Variants in CADM2 observed in about 807,000 individuals in gnomAD.
CADM2 encodes the protein immunoglobulin superfamily member 4D.
A neutral mutation model predicts 49.8 loss-of-function variants in CADM2; 12 were observed. The ratio of observed to expected loss-of-function variants is 0.24; its 90% CI spans 0.15 to 0.39. The LOEUF is 0.39. CADM2 is among the 10% of genes least tolerant of loss of function. The pLI is 1.00. For missense variants in CADM2, 378 were observed against 492.3 expected, an observed-to-expected ratio of 0.77 and a Z score of 2.20; for synonymous variants, 214 against 175.4, an observed-to-expected ratio of 1.22 and a Z score of -1.74.
At chr3:85,079,477 C>T (rs2107496257) in intron 1 of CADM2, among the ~76,000 whole-genome samples, 1 of 151,788 alleles carries the variant, frequency 6.6e-6, no homozygotes, top group Middle Eastern at 3.4e-3. Context: ...ATCTATTTTT[C>T]ATAGGGTTAT....
chr3:85,951,291 C>T lies in CADM2; in HGVS notation c.792-10178C>T, dbSNP rs546052823. 3.6e-4 allele frequency among the ~76,000 whole-genome samples: 55 copies of T among 151,064 alleles called. 1 individual carries two copies. The highest frequency in any genetic ancestry group is 1.0e-3 in the South Asian group (5 of 4,818). On this transcript the variant is annotated intron_variant, in intron 7 of 9. Coordinates refer to ENST00000383699, the MANE Select transcript of CADM2 (RefSeq NM_001167675.2). ...TTTCTCACACACAAATGCACAAAGA[C>T]ACATTAAATTAATCAATACAAGTAA...
chr3:85,676,323 A>G (rs2065884999), intron 1 of CADM2, among the ~76,000 whole-genome samples: 1 of 152,150 alleles, frequency 6.6e-6, no homozygotes. Context: ...GAAAACTCGA[A>G]TTCCATTTGG....
At chr3:85,409,364 TG>T (rs1362976864) in intron 1 of CADM2, among the ~76,000 whole-genome samples, 2 of 152,104 alleles carry the variant, frequency 1.3e-5, no homozygotes, top group Non-Finnish European at 2.9e-5. Flanking sequence ...GAAAATAAAA[TG>T]GGAATTTTTC....
intron 1 of CADM2, among the ~76,000 whole-genome samples, chr3:85,427,921 A>G (rs1369989562): frequency 1.3e-5 from 2 of 152,098 alleles, no homozygotes; most frequent in African/African-American, 2.4e-5. Flanking sequence ...TATAACTTCA[A>G]TGGAATTGAA....
intron 6 of CADM2, among the ~76,000 whole-genome samples, chr3:85,915,986 C>A (rs1312934913): frequency 6.6e-6 from 1 of 151,914 alleles, no homozygotes; most frequent in Non-Finnish European, 1.5e-5. Flanking sequence ...CATACAATGC[C>A]AAGAGGCATA....
intron 8 of CADM2, among the ~76,000 whole-genome samples, chr3:86,000,121 G>A (rs955193347): frequency 6.6e-5 from 10 of 152,302 alleles, no homozygotes; most frequent in Admixed American, 3.3e-4. Flanking sequence ...TCTGAGGAGA[G>A]AAGATAAGTT....
At chr3:85,580,251 A>C (rs2107290995) in intron 1 of CADM2, among the ~76,000 whole-genome samples, 1 of 152,304 alleles carries the variant, frequency 6.6e-6, no homozygotes, top group African/African-American at 2.4e-5. Flanking sequence ...TTGCATATGC[A>C]GGAGGACAGT....
At chr3:85,402,037 T>C (rs971608589) in intron 1 of CADM2, among the ~76,000 whole-genome samples, 1 of 152,214 alleles carries the variant, frequency 6.6e-6, no homozygotes, top group East Asian at 1.9e-4. Context: ...GTAGATTTAC[T>C]ATAATTCATA....
chr3:85,718,706 T>C (rs2107759520), intron 1 of CADM2, among the ~76,000 whole-genome samples: 1 of 151,930 alleles, frequency 6.6e-6, no homozygotes, highest in East Asian at 1.9e-4. Context: ...AAAATATCAG[T>C]TATTTTGCTA....
chr3:85,437,782 C>A (rs867493890), intron 1 of CADM2, among the ~76,000 whole-genome samples: 1 of 151,876 alleles, frequency 6.6e-6, no homozygotes, highest in Non-Finnish European at 1.5e-5. Flanking sequence ...ATTTATTGTT[C>A]CTTTTTTCTA....
intron 3 of CADM2, among the ~76,000 whole-genome samples, chr3:85,819,849 C>G (rs1346091298): frequency 1.3e-5 from 2 of 152,196 alleles, no homozygotes; most frequent in South Asian, 4.2e-4. Context: ...AACTTACTCT[C>G]AGATGGGAAG....
Position 85,009,725 on chromosome 3 carries a change from G to A in CADM2, c.61+50057G>A, listed in dbSNP as rs192776953. Among the ~76,000 whole-genome samples, 35 of 151,958 alleles carry A rather than the reference G, an allele frequency of 2.3e-4. 3 individuals carry two copies. The East Asian group carries it at 6.8e-3, about 29-fold the overall frequency. ...TACTAAAATAGAAAAAATCAACTGG[G>A]TGTGGCAGCGTGCACCTGTAGTCCC... On this transcript the variant is annotated intron_variant, in intron 1 of 9. Coordinates refer to ENST00000383699, the MANE Select transcript of CADM2 (RefSeq NM_001167675.2).
intron 1 of CADM2, among the ~76,000 whole-genome samples, chr3:85,621,804 G>C (rs961707164): frequency 6.6e-6 from 1 of 151,996 alleles, no homozygotes; most frequent in Non-Finnish European, 1.5e-5. Flanking sequence ...ACCCAGCTCT[G>C]GTCTGAGCAT....
chr3:85,163,855 A>C (rs892232599), intron 1 of CADM2, among the ~76,000 whole-genome samples: 1 of 152,058 alleles, frequency 6.6e-6, no homozygotes, highest in African/African-American at 2.4e-5. Context: ...TGCAACACCA[A>C]TACAATCAAT....
At chr3:85,458,768 T>C (rs2038108566) in intron 1 of CADM2, among the ~76,000 whole-genome samples, 2 of 152,010 alleles carry the variant, frequency 1.3e-5, no homozygotes, top group Admixed American at 1.3e-4. Flanking sequence ...TGTTTTATTA[T>C]TAGAATACAA....
At chr3:85,847,927 G>T (rs764709362) in intron 3 of CADM2, among the ~76,000 whole-genome samples, 5 of 151,900 alleles carry the variant, frequency 3.3e-5, no homozygotes, top group Admixed American at 6.6e-5. Flanking sequence ...TCTTGTATTA[G>T]GATGTCTTAT....
chr3:85,216,168 C>T (rs1411607372), intron 1 of CADM2, among the ~76,000 whole-genome samples: 1 of 150,752 alleles, frequency 6.6e-6, no homozygotes, highest in African/African-American at 2.4e-5. Flanking sequence ...AACCTCCTTC[C>T]CTATAATATT....
intron 1 of CADM2, among the ~76,000 whole-genome samples, chr3:85,300,890 C>T (rs544191414): frequency 3.6e-4 from 54 of 151,944 alleles, no homozygotes; most frequent in African/African-American, 1.2e-3. Context: ...AAATGCTAAA[C>T]AAATACATGT....
chr3:85,768,470 T>TAAATAATA (rs11456585), intron 2 of CADM2, among the ~76,000 whole-genome samples: 20,218 of 143,370 alleles, frequency 0.14, 1,881 homozygotes, highest in Non-Finnish European at 0.2. Context: ...AATAAATAAA[T>TAAATAATA]AATAAATAAA....
Sources: allele counts gnomAD v4.1 joint callset (sites outside exome capture counted in the v4.1 genomes callset), GRCh38; gene constraint gnomAD v4.1.1; transcripts MANE v1.5; gene names NCBI Gene and HGNC (gene_info 2026-07-23, HGNC 2026-07-21).